Variants in CCSER1 observed in about 807,000 individuals in gnomAD.
The protein encoded by CCSER1 is serine-rich coiled-coil domain-containing protein 1.
A neutral mutation model predicts 82.0 loss-of-function variants in CCSER1; 41 were observed. That is an observed-to-expected ratio of 0.50 (90% CI 0.39 to 0.65). CCSER1 has a LOEUF of 0.65. Among genes scored for constraint, CCSER1 ranks in the 30% least tolerant of loss-of-function variants. The pLI, the probability that CCSER1 is intolerant of heterozygous loss-of-function variation, is 0.00. For missense variants in CCSER1, 1,119 were observed against 1,064.2 expected (o/e 1.05, Z -0.72); for synonymous variants, 414 against 383.9 (o/e 1.08, Z -0.92).
At chr4:90,637,073 C>A (rs1386913485) in intron 6 of CCSER1, among the ~76,000 whole-genome samples, 1 of 151,960 alleles carries the variant, frequency 6.6e-6, no homozygotes, top group Non-Finnish European at 1.5e-5. Context: ...TTTGTTATTT[C>A]AAAGTTTCTA....
At chr4:90,493,553 A>G (rs1483642171) in intron 5 of CCSER1, among the ~76,000 whole-genome samples, 1 of 152,232 alleles carries the variant, frequency 6.6e-6, no homozygotes, top group East Asian at 1.9e-4. Flanking sequence ...CATCAGACTA[A>G]CAGCTGATCT....
intron 10 of CCSER1, among the ~76,000 whole-genome samples, chr4:91,584,752 T>C (rs1763904672): frequency 6.6e-6 from 1 of 151,592 alleles, no homozygotes; most frequent in Non-Finnish European, 1.5e-5. Flanking sequence ...TTTATTTGTA[T>C]TTTAACTATA....
chr4:90,734,261 G>C (rs1745282326), intron 7 of CCSER1, among the ~76,000 whole-genome samples: 1 of 152,040 alleles, frequency 6.6e-6, no homozygotes, highest in African/African-American at 2.4e-5. Flanking sequence ...AAGTAGCTGG[G>C]ACTACAGGCT....
At chr4:90,452,017 C>T (rs1761524514) in intron 4 of CCSER1, among the ~76,000 whole-genome samples, 3 of 152,044 alleles carry the variant, frequency 2.0e-5, no homozygotes, top group Admixed American at 2.0e-4. Flanking sequence ...AACTGCTTTC[C>T]CCTTGTTTAA....
intron 10 of CCSER1, among the ~76,000 whole-genome samples, chr4:91,589,603 TA>T (rs1368656248): frequency 6.6e-6 from 1 of 150,726 alleles, no homozygotes; most frequent in African/African-American, 2.4e-5. Context: ...TTTGCTATAC[TA>T]AGCCACTACA....
At chr4:90,868,486 C>T (rs1435403777) in intron 8 of CCSER1, among the ~76,000 whole-genome samples, 1 of 151,988 alleles carries the variant, frequency 6.6e-6, no homozygotes, top group Admixed American at 6.6e-5. Flanking sequence ...TTTCATTTAA[C>T]ATGATGACCT....
At chr4:91,303,743 T>A (rs1744842543) in intron 10 of CCSER1, among the ~76,000 whole-genome samples, 1 of 151,946 alleles carries the variant, frequency 6.6e-6, no homozygotes, top group Non-Finnish European at 1.5e-5. Context: ...TGCAGTGAGC[T>A]GTGATCCTGC....
chr4:90,225,498 T>A lies in CCSER1; in HGVS notation c.-41-82746T>A, dbSNP rs1742998083. Among the ~76,000 whole-genome samples the A allele has an allele frequency of 3.9e-5, 6 of 152,198 alleles. No individual in the cohort carries two copies. The South Asian group carries it at 1.2e-3, about 32-fold the overall frequency. The stretch of plus-strand genomic sequence containing the variant: ...ATTTCTATAGATCTATTATCTCATT[T>A]GAGTCTCATGACAACCTGAGAGGTG... On this transcript the variant is annotated intron_variant, in intron 1 of 10. Transcript: ENST00000509176.
rs75155605 is a variant in CCSER1 at position 90,652,742 on chromosome 4, T to C, written c.1932+24510T>C. ...ATTCCAAAGAAAACTATTTACAAGT[T>C]AATCTCTATTCCCCATTCAATCATT... On this transcript the variant is annotated intron_variant, in intron 6 of 10. Coordinates refer to ENST00000509176, the MANE Select transcript of CCSER1 (RefSeq NM_001145065.2). Among the ~76,000 whole-genome samples, 98 of 152,318 alleles carry C rather than the reference T, an allele frequency of 6.4e-4. 1 individual carries two copies. In the East Asian group the frequency reaches 0.015, roughly 24 times the overall value.
At chr4:90,820,067 T>TA (rs1419868561) in intron 8 of CCSER1, among the ~76,000 whole-genome samples, 2 of 152,134 alleles carry the variant, frequency 1.3e-5, no homozygotes, top group African/African-American at 4.8e-5. Flanking sequence ...AAATAAGAAA[T>TA]AGAGCAAAGG....
chr4:91,276,860 T>A (rs1368008222), intron 10 of CCSER1, among the ~76,000 whole-genome samples: 5 of 152,082 alleles, frequency 3.3e-5, no homozygotes, highest in African/African-American at 1.2e-4. Flanking sequence ...GTTTTTATCA[T>A]AAAGGAATGT....
At chr4:91,259,731 G>A (rs979521686) in intron 10 of CCSER1, among the ~76,000 whole-genome samples, 1 of 152,034 alleles carries the variant, frequency 6.6e-6, no homozygotes, top group African/African-American at 2.4e-5. Flanking sequence ...TGAGAATGAA[G>A]GCTTCCAGCT....
intron 8 of CCSER1, among the ~76,000 whole-genome samples, chr4:90,880,414 G>A (rs1439223409): frequency 1.3e-5 from 2 of 152,144 alleles, no homozygotes; most frequent in African/African-American, 2.4e-5. Context: ...CCTGTCTGGT[G>A]ATGAGCAGTT....
chr4:90,907,198 G>A (rs979336993), intron 8 of CCSER1, among the ~76,000 whole-genome samples: 2 of 152,078 alleles, frequency 1.3e-5, no homozygotes, highest in African/African-American at 4.8e-5. Context: ...GACAGATCAT[G>A]TCAATAAGAA....
intron 9 of CCSER1, among the ~76,000 whole-genome samples, chr4:90,977,946 C>G (rs1384918529): frequency 6.6e-6 from 1 of 151,512 alleles, no homozygotes; most frequent in Non-Finnish European, 1.5e-5. Context: ...ATGATGTATG[C>G]AACAGGCATT....
Position 90,322,794 on chromosome 4 carries a change from T to C in CCSER1, c.1509+9747T>C, listed in dbSNP as rs887402678. 2.6e-5 allele frequency among the ~76,000 whole-genome samples: 4 copies of C among 152,150 alleles called. No individual in the cohort carries two copies. The East Asian group carries it at 7.7e-4, about 29-fold the overall frequency. On this transcript the variant is annotated intron_variant, in intron 3 of 10. Transcript: ENST00000509176. ...CCCTAAACAGAAGGAGACTCTGTGG[T>C]AAGGTGGCCTGGAGCTGAGGGAGGG...
At chr4:90,944,970 C>A (rs1732054127) in intron 9 of CCSER1, among the ~76,000 whole-genome samples, 1 of 152,144 alleles carries the variant, frequency 6.6e-6, no homozygotes, top group Non-Finnish European at 1.5e-5. Context: ...GAAGAAAATG[C>A]TTTATAGAAA....
intron 5 of CCSER1, among the ~76,000 whole-genome samples, chr4:90,523,845 G>T (rs1302296592): frequency 6.6e-6 from 1 of 152,094 alleles, no homozygotes; most frequent in Non-Finnish European, 1.5e-5. Flanking sequence ...TAAAATGCCA[G>T]TAATAATAAT....
chr4:91,334,933 A>T (rs2149280590), intron 10 of CCSER1, among the ~76,000 whole-genome samples: 1 of 152,262 alleles, frequency 6.6e-6, no homozygotes, highest in South Asian at 2.1e-4. Flanking sequence ...TGAAAAAAAA[A>T]AATCTTCAGT....
Sources: allele counts gnomAD v4.1 joint callset (sites outside exome capture counted in the v4.1 genomes callset), GRCh38; gene constraint gnomAD v4.1.1; transcripts MANE v1.5; gene names NCBI Gene and HGNC (gene_info 2026-07-23, HGNC 2026-07-21).